The following MICU3 variants were observed in gnomAD, a reference collection of about 807,000 sequenced individuals.
MICU3 encodes the protein mitochondrial calcium uptake 3, also known as calcium uptake protein 3, mitochondrial.
A neutral mutation model predicts 66.5 loss-of-function variants in MICU3; 62 were observed. The ratio of observed to expected loss-of-function variants is 0.93; its 90% CI spans 0.76 to 1.15. MICU3 has a LOEUF of 1.15. Ranked by LOEUF, MICU3 falls within the 50% of genes most tolerant of loss-of-function variation. The pLI is 0.00. For missense variants in MICU3, 779 were observed against 664.4 expected (o/e 1.17, Z -1.90); for synonymous variants, 308 against 240.7 (o/e 1.28, Z -2.59).
chr8:17,081,478 G>A (rs1424943067), intron 4 of MICU3, among the ~76,000 whole-genome samples: 1 of 151,954 alleles, frequency 6.6e-6, no homozygotes, highest in Non-Finnish European at 1.5e-5. Context: ...CAATATATTT[G>A]AGAGCATAAT....
intron 1 of MICU3, among the ~76,000 whole-genome samples, chr8:17,028,368 T>G (rs1386427735): frequency 2.0e-5 from 3 of 152,156 alleles, no homozygotes; most frequent in African/African-American, 7.2e-5. Flanking sequence ...GAAAGTCACG[T>G]GAAAATGTTC....
chr8:17,063,305 C>G (rs551849366), intron 1 of MICU3, among the ~76,000 whole-genome samples: 7 of 152,164 alleles, frequency 4.6e-5, no homozygotes, highest in Non-Finnish European at 1.0e-4. Flanking sequence ...GTTATTGAAG[C>G]ATGTATGGTA....
chr8:17,124,419 G>T (rs567268626), downstream of MICU3, among the ~76,000 whole-genome samples: 1 of 151,866 alleles, frequency 6.6e-6, no homozygotes, highest in Non-Finnish European at 1.5e-5. Context: ...AACTATACAT[G>T]CATGGTTAAT....
chr8:17,077,229 C>G (rs1310748010), intron 3 of MICU3, among the ~76,000 whole-genome samples: 1 of 152,060 alleles, frequency 6.6e-6, no homozygotes, highest in African/African-American at 2.4e-5. Flanking sequence ...AACTCAGTAC[C>G]CTTGTCTTTC....
chr8:17,056,538 A>G (rs927779046), intron 1 of MICU3, among the ~76,000 whole-genome samples: 3 of 152,208 alleles, frequency 2.0e-5, no homozygotes, highest in East Asian at 1.9e-4. Context: ...CAAGGAATTC[A>G]TGATTGAATG....
intron 11 of MICU3, among the ~76,000 whole-genome samples, chr8:17,112,701 GC>G (rs1802314335): frequency 6.6e-6 from 1 of 152,058 alleles, no homozygotes; most frequent in African/African-American, 2.4e-5. Flanking sequence ...TCTCATGTCT[GC>G]CCCCCAATAT....
rs1038368110 is a variant in MICU3, at chr8:17,121,237, G to A, written c.*950G>A. 5.3e-5 allele frequency: 8 copies of A among 151,836 alleles called. No homozygotes were observed. The highest frequency in any genetic ancestry group is 3.2e-3 in the Middle Eastern group (1 of 316). 9.4% of individuals were successfully genotyped at this position (151,836 alleles called of 1,614,324 possible). A position where few individuals can be genotyped will look rare whatever the true frequency, so the allele number is the denominator to read the frequency against. ...AAGACTAATATAAAATGGTTTATAA[G>A]ACTGATGTATATATTAAGTAGAAGC... On this transcript the variant is annotated 3_prime_UTR_variant, in exon 15 of 15. Transcript: ENST00000318063.
At chr8:17,067,765 T>C (rs1284538199) in intron 2 of MICU3, among the ~76,000 whole-genome samples, 1 of 152,128 alleles carries the variant, frequency 6.6e-6, no homozygotes, top group African/African-American at 2.4e-5. Flanking sequence ...TTTAAGCAAA[T>C]ATTTACACGG....
the MICU3 span, among the ~76,000 whole-genome samples, chr8:17,134,569 C>T: frequency 3.3e-5 from 5 of 152,200 alleles, no homozygotes; most frequent in East Asian, 3.9e-4. Context: ...CTCAGCCTCC[C>T]GAGTAGGTGG....
intron 2 of MICU3, among the ~76,000 whole-genome samples, chr8:17,068,187 C>T (rs1819011008): frequency 6.6e-6 from 1 of 152,004 alleles, no homozygotes; most frequent in South Asian, 2.1e-4. Flanking sequence ...TTTATATGTG[C>T]AGTAACTTCA....
At chr8:17,070,033 T>C (rs1364626380) in intron 3 of MICU3, among the ~76,000 whole-genome samples, 1 of 152,058 alleles carries the variant, frequency 6.6e-6, no homozygotes, top group East Asian at 1.9e-4. Flanking sequence ...AGTAAATACA[T>C]GCCTGCATTT....
chr8:17,032,501 T>C (rs2106011), intron 1 of MICU3, among the ~76,000 whole-genome samples: 2,676 of 152,338 alleles, frequency 0.018, 38 homozygotes, highest in Non-Finnish European at 0.029. Flanking sequence ...AGCAACATAT[T>C]TGAGTATTAC....
At chr8:17,129,618 A>T in the MICU3 span, among the ~76,000 whole-genome samples, 1 of 152,216 alleles carries the variant, frequency 6.6e-6, no homozygotes, top group African/African-American at 2.4e-5. Flanking sequence ...AGAAAAAACT[A>T]TTGAGGAAAA....
chr8:17,137,010 T>G, the MICU3 span, among the ~76,000 whole-genome samples: 2 of 151,952 alleles, frequency 1.3e-5, no homozygotes, highest in African/African-American at 4.8e-5. Context: ...AATTTTTGTA[T>G]TTTTAGTAGA....
At chr8:17,129,108 T>C in the MICU3 span, among the ~76,000 whole-genome samples, 1 of 152,180 alleles carries the variant, frequency 6.6e-6, no homozygotes, top group Non-Finnish European at 1.5e-5. Context: ...AAGACAACTC[T>C]TGACCTATCC....
At chr8:17,091,558 G>A (rs1800058668) in intron 8 of MICU3, among the ~76,000 whole-genome samples, 1 of 152,028 alleles carries the variant, frequency 6.6e-6, no homozygotes, top group Non-Finnish European at 1.5e-5. Context: ...GATTTAAACA[G>A]CTACTGGAGG....
intron 10 of MICU3, 64 bp downstream of exon 10, chr8:17,104,555 A>G: frequency 1.2e-6 from 1 of 864,406 alleles, no homozygotes; most frequent in Non-Finnish European, 1.7e-6. Flanking sequence ...GGATCTTTAG[A>G]AATTGTCTAG....
chr8:17,113,020 T>G (rs1802345766), intron 11 of MICU3, among the ~76,000 whole-genome samples: 1 of 152,184 alleles, frequency 6.6e-6, no homozygotes, highest in South Asian at 2.1e-4. Flanking sequence ...GAAAGGAAAG[T>G]AAACAATGTG....
At chr8:17,061,977 C>G (rs1355802002) in intron 1 of MICU3, among the ~76,000 whole-genome samples, 1 of 152,132 alleles carries the variant, frequency 6.6e-6, no homozygotes, top group Non-Finnish European at 1.5e-5. Context: ...GTCTTTGGTA[C>G]CAGGTTGCTT....
Sources: gnomAD v4.1 joint callset for allele counts (sites outside exome capture counted in the v4.1 genomes callset) on GRCh38, gnomAD v4.1.1 for gene constraint, MANE v1.5 for transcripts, NCBI Gene and HGNC (gene_info 2026-07-23, HGNC 2026-07-21) for gene names.